The following STARD13 variants were observed in gnomAD, a reference collection of about 807,000 sequenced individuals.
STARD13 encodes stAR-related lipid transfer protein 13.
A neutral mutation model predicts 106.4 loss-of-function variants in STARD13; 62 were observed. The observed-to-expected ratio is 0.58, with a 90% confidence interval of 0.48 to 0.72. The LOEUF (loss-of-function observed/expected upper bound fraction) is 0.72. Ranked by LOEUF, STARD13 falls within the 30% of genes least tolerant of loss-of-function variation. The pLI is 0.00. For missense variants in STARD13, 1,387 were observed against 1,424.0 expected, an observed-to-expected ratio of 0.97 and a Z score of 0.42; for synonymous variants, 565 against 553.0, an observed-to-expected ratio of 1.02 and a Z score of -0.31.
chr13:33,521,097 T>C, the STARD13 span, among the ~76,000 whole-genome samples: 1 of 152,228 alleles, frequency 6.6e-6, no homozygotes. Flanking sequence ...CGACTCGAGC[T>C]GGGAGAGCCC....
intron 4 of STARD13, among the ~76,000 whole-genome samples, chr13:33,133,105 T>A (rs2138188280): frequency 6.6e-6 from 1 of 152,318 alleles, no homozygotes; most frequent in South Asian, 2.1e-4. Context: ...ATAGATATTT[T>A]AAAACAGAAA....
Position 33,129,129 on chromosome 13 carries a change from T to C in STARD13, c.1548A>G (p.Thr516=), listed in dbSNP as rs1385129058. 1.2e-6 allele frequency: 2 copies of C among 1,614,036 alleles called. No individual in the cohort carries two copies. Among genetic ancestry groups the C allele is most frequent in the Non-Finnish European group, 1.7e-6 (2 of 1,180,030 alleles). The change falls in exon 5 of 14, where the codon ACA becomes ACG. Residue 516 remains threonine, a synonymous_variant. Transcript: ENST00000336934. ...DVLPELQTHD[T]LVGEPGLSTF... ...TGGATAAGCCAGGTTCCCCAACCAATGTATCATGAGTTTGCAGTTCAGGCA... is the reference window on the plus strand; with the variant it reads ...TGGATAAGCCAGGTTCCCCAACCAACGTATCATGAGTTTGCAGTTCAGGCA...
At chr13:33,489,170 A>G in the STARD13 span, among the ~76,000 whole-genome samples, 1 of 152,224 alleles carries the variant, frequency 6.6e-6, no homozygotes, top group Non-Finnish European at 1.5e-5. Flanking sequence ...ATATTTTATT[A>G]TTAGTTTTCT....
the STARD13 span, among the ~76,000 whole-genome samples, chr13:33,624,660 G>A: frequency 2.0e-5 from 3 of 152,192 alleles, no homozygotes; most frequent in Admixed American, 1.3e-4. Flanking sequence ...AGCCTCCTAA[G>A]GCCAGTACAA....
At chr13:33,468,776 G>A in the STARD13 span, among the ~76,000 whole-genome samples, 2 of 152,212 alleles carry the variant, frequency 1.3e-5, no homozygotes, top group East Asian at 3.9e-4. Context: ...GCACAGCATG[G>A]ACTAAGACAG....
the STARD13 span, among the ~76,000 whole-genome samples, chr13:33,385,228 T>TATAA: frequency 8.9e-6 from 1 of 112,660 alleles, no homozygotes; most frequent in Admixed American, 8.4e-5. Context: ...AATATATATA[T>TATAA]ATATATATAT....
At chr13:33,474,939 CT>C in the STARD13 span, among the ~76,000 whole-genome samples, 1 of 152,076 alleles carries the variant, frequency 6.6e-6, no homozygotes, top group Non-Finnish European at 1.5e-5. Flanking sequence ...AAGGAAGTAA[CT>C]TGAAATGATA....
intron 11 of STARD13, among the ~76,000 whole-genome samples, chr13:33,110,484 C>T (rs1429094633): frequency 6.6e-6 from 1 of 152,152 alleles, no homozygotes; most frequent in Non-Finnish European, 1.5e-5. Flanking sequence ...GGACCGGGAT[C>T]CAGCTGTCCG....
intron 8 of STARD13, 132 bp downstream of exon 8, chr13:33,117,930 AGAG>A: frequency 6.8e-7 from 1 of 1,461,028 alleles, no homozygotes; most frequent in Non-Finnish European, 9.0e-7. Flanking sequence ...TTACTTCCGT[AGAG>A]GAGAGCAGGA....
At chr13:33,115,252 A>C (rs1328475382) in intron 8 of STARD13, among the ~76,000 whole-genome samples, 3 of 152,206 alleles carry the variant, frequency 2.0e-5, no homozygotes, top group African/African-American at 7.2e-5. Context: ...TCTCTGGAGA[A>C]ATGGAGGAGG....
the STARD13 span, among the ~76,000 whole-genome samples, chr13:33,565,469 A>G: frequency 6.7e-6 from 1 of 148,202 alleles, no homozygotes; most frequent in South Asian, 2.2e-4. Context: ...ATAAAATATA[A>G]ATCAATTTAA....
intron 1 of STARD13, among the ~76,000 whole-genome samples, chr13:33,308,520 C>CTTTTTTTTTTTTTTTTTTTTTTTCT (rs552526416): frequency 1.1e-5 from 1 of 88,554 alleles, no homozygotes; most frequent in Non-Finnish European, 2.1e-5. Context: ...CTTTTTCTTT[C>CTTTTTTTTTTTTTTTTTTTTTTTCT]TTTTTTTTTT....
At chr13:33,463,074 A>T in the STARD13 span, among the ~76,000 whole-genome samples, 1 of 152,234 alleles carries the variant, frequency 6.6e-6, no homozygotes, top group Non-Finnish European at 1.5e-5. Context: ...ATAAGTAAAT[A>T]GTTTGCAAAT....
chr13:33,356,394 C>T, the STARD13 span, among the ~76,000 whole-genome samples: 1 of 152,196 alleles, frequency 6.6e-6, no homozygotes, highest in African/African-American at 2.4e-5. Context: ...TACTGAGCTT[C>T]TTAAGGTCAA....
chr13:33,113,237 TC>T (rs1874877222), intron 8 of STARD13: 1 of 427,606 alleles, frequency 2.3e-6, no homozygotes, highest in Non-Finnish European at 4.3e-6. Flanking sequence ...ATCAACCCAC[TC>T]ACCTGCTTTC....
At chr13:33,367,375 GT>G in the STARD13 span, among the ~76,000 whole-genome samples, 1 of 147,714 alleles carries the variant, frequency 6.8e-6, no homozygotes, top group South Asian at 2.1e-4. Flanking sequence ...GCCTTAAACA[GT>G]TAATCAATGA....
chr13:33,439,985 A>C, the STARD13 span, among the ~76,000 whole-genome samples: 2 of 152,226 alleles, frequency 1.3e-5, no homozygotes, highest in African/African-American at 2.4e-5. Flanking sequence ...AAAGATTTAT[A>C]CAATACAGGC....
chr13:33,646,156 T>G, the STARD13 span, among the ~76,000 whole-genome samples: 3 of 152,190 alleles, frequency 2.0e-5, no homozygotes, highest in Admixed American at 1.3e-4. Flanking sequence ...CCCAGGTGCA[T>G]GCTTTTGACT....
At chr13:33,360,243 C>T in the STARD13 span, among the ~76,000 whole-genome samples, 1 of 151,260 alleles carries the variant, frequency 6.6e-6, no homozygotes, top group Non-Finnish European at 1.5e-5. Flanking sequence ...CTCACTCTGT[C>T]GCCCAGGCTG....
Sources: allele counts gnomAD v4.1 joint callset (sites outside exome capture counted in the v4.1 genomes callset), GRCh38; gene constraint gnomAD v4.1.1; transcripts MANE v1.5; gene names NCBI Gene and HGNC (gene_info 2026-07-23, HGNC 2026-07-21).